The following TECPR2 variants were observed in gnomAD, a reference collection of about 807,000 sequenced individuals.
TECPR2 encodes tectonin beta-propeller repeat-containing protein 2.
In TECPR2, 65 loss-of-function variants were observed where a neutral mutation model predicts 138.1. That is an observed-to-expected ratio of 0.47 (90% CI 0.39 to 0.58). The LOEUF is 0.58. Among genes scored for constraint, TECPR2 ranks in the 20% least tolerant of loss-of-function variants. The pLI, the probability that TECPR2 is intolerant of heterozygous loss-of-function variation, is 0.00. For synonymous variants in TECPR2, 746 were observed against 749.8 expected, an observed-to-expected ratio of 0.99 and a Z score of 0.08; for missense variants, 1,553 against 1,824.5, an observed-to-expected ratio of 0.85 and a Z score of 2.71.
chr14:102,494,507 C>T (rs1891231088), intron 17 of TECPR2, among the ~76,000 whole-genome samples: 1 of 151,838 alleles, frequency 6.6e-6, no homozygotes, highest in Admixed American at 6.6e-5. Context: ...CACGCCACTG[C>T]ACTCCAGACA....
intron 17 of TECPR2, among the ~76,000 whole-genome samples, chr14:102,479,933 G>T (rs1219997371): frequency 6.6e-6 from 1 of 152,242 alleles, no homozygotes; most frequent in Admixed American, 6.5e-5. Context: ...CAGCATCCTG[G>T]AGCCCTGCCA....
At position 102,369,714 on chromosome 14, in the gene TECPR2, G is replaced by A. The variant is rs1193646078; in HGVS notation, c.-73+6598G>A. On this transcript the variant is annotated intron_variant, in intron 1 of 19. Coordinates refer to ENST00000359520, the MANE Select transcript of TECPR2 (RefSeq NM_014844.5). ...CCCAGCACTTTGGGAGGCCGAGGCG[G>A]GTGGATCACAAGATCAGGAGATTGA... Among the ~76,000 whole-genome samples the A allele has an allele frequency of 2.0e-5, 3 of 152,190 alleles. No homozygotes were observed. In the East Asian group the frequency reaches 5.8e-4, roughly 29 times the overall value.
chr14:102,439,532 C>A (rs1056511823), intron 10 of TECPR2, among the ~76,000 whole-genome samples: 1 of 152,196 alleles, frequency 6.6e-6, no homozygotes, highest in African/African-American at 2.4e-5. Context: ...TATCATTTAC[C>A]TTCAGGTTTG....
At chr14:102,371,872 T>C (rs1887516994) in intron 1 of TECPR2, among the ~76,000 whole-genome samples, 1 of 152,230 alleles carries the variant, frequency 6.6e-6, no homozygotes, top group South Asian at 2.1e-4. Flanking sequence ...AAAATACTCA[T>C]GATTTATTAA....
Position 102,414,766 on chromosome 14 carries a change from G to A in TECPR2, c.611G>A (p.Arg204Lys). Residue 204 changes from arginine to lysine, a missense_variant, in exon 5 of 20, where the codon AGG (arginine) becomes AAG (lysine). Coordinates refer to ENST00000359520, the MANE Select transcript of TECPR2 (RefSeq NM_014844.5). Reference protein sequence around the residue: ...LLFYTEEKSVRQIGTQPRKST... With the variant: ...LLFYTEEKSVKQIGTQPRKST... ...TTTTACACTGAAGAAAAGTCTGTAA[G>A]GCAAATTGGAACACAACCAAGGAAA... 6.2e-7 allele frequency: 1 copy of A among 1,614,174 alleles called. No individual in the cohort carries two copies. Among genetic ancestry groups the A allele is most frequent in the African/African-American group, 1.3e-5 (1 of 75,048 alleles).
chr14:102,402,580 A>G (rs1427479834), intron 2 of TECPR2, among the ~76,000 whole-genome samples: 2 of 152,078 alleles, frequency 1.3e-5, no homozygotes, highest in African/African-American at 4.8e-5. Flanking sequence ...CTAGAAAACA[A>G]TAGAGAAAAT....
intron 1 of TECPR2, among the ~76,000 whole-genome samples, chr14:102,368,819 C>T (rs1344885048): frequency 6.6e-6 from 1 of 152,016 alleles, no homozygotes. Context: ...GTGGCATGGC[C>T]ACAGAGTTGG....
At position 102,448,558 on chromosome 14, in the gene TECPR2, A is replaced by G. The variant is rs545368605; in HGVS notation, c.3076-1071A>G. 6.6e-5 allele frequency among the ~76,000 whole-genome samples: 10 copies of G among 152,098 alleles called. No individual in the cohort carries two copies. In the South Asian group the frequency reaches 1.9e-3, roughly 28 times the overall value. ...CCTGGAGTAATTATTAGTAGTCCCA[A>G]TTCAGATCATAAATTAGTTCATCAC... On this transcript the variant is annotated intron_variant, in intron 13 of 19. Transcript: ENST00000359520.
intron 17 of TECPR2, among the ~76,000 whole-genome samples, chr14:102,470,607 C>G (rs1567355550): frequency 6.6e-6 from 1 of 151,336 alleles, no homozygotes; most frequent in African/African-American, 2.4e-5. Context: ...TGCACCCAGC[C>G]TATTCAGAAT....
intron 1 of TECPR2, among the ~76,000 whole-genome samples, chr14:102,375,410 T>TCAGTAGGG (rs748181347): frequency 6.6e-6 from 1 of 151,162 alleles, no homozygotes; most frequent in Non-Finnish European, 1.5e-5. Flanking sequence ...GAGAGAGAAC[T>TCAGTAGGG]CAGTAGGGGG....
At chr14:102,367,690 A>G (rs1887380527) in intron 1 of TECPR2, among the ~76,000 whole-genome samples, 1 of 152,166 alleles carries the variant, frequency 6.6e-6, no homozygotes, top group South Asian at 2.1e-4. Flanking sequence ...CATTTTGGCT[A>G]TTATGAGTGG....
intron 2 of TECPR2, among the ~76,000 whole-genome samples, chr14:102,401,444 A>AC (rs1332756747): frequency 2.0e-5 from 3 of 151,234 alleles, no homozygotes; most frequent in Admixed American, 2.0e-4. Context: ...CATCTCAAAA[A>AC]AAAAAAAAAA....
intron 16 of TECPR2, among the ~76,000 whole-genome samples, chr14:102,455,756 C>T (rs759661590): frequency 6.6e-6 from 1 of 152,230 alleles, no homozygotes; most frequent in Non-Finnish European, 1.5e-5. Context: ...AGATTACAGG[C>T]ACCCACCACC....
chr14:102,393,357 C>T (rs1240549337), intron 2 of TECPR2, among the ~76,000 whole-genome samples: 2 of 152,144 alleles, frequency 1.3e-5, no homozygotes, highest in African/African-American at 2.4e-5. Context: ...TCTATATGAA[C>T]TGTAGTTAAG....
intron 12 of TECPR2, among the ~76,000 whole-genome samples, chr14:102,444,625 G>A (rs1889921042): frequency 6.6e-6 from 1 of 152,096 alleles, no homozygotes; most frequent in Admixed American, 6.6e-5. Context: ...AACTAGATTA[G>A]GATATTCTTG....
intron 2 of TECPR2, among the ~76,000 whole-genome samples, chr14:102,387,730 G>A (rs1451838610): frequency 6.6e-6 from 1 of 152,112 alleles, no homozygotes; most frequent in Non-Finnish European, 1.5e-5. Flanking sequence ...GTTTCACTGT[G>A]TTAGCCAGGA....
rs1345090533 is a variant in TECPR2, at chr14:102,445,839, G to A, written c.2967G>A (p.Thr989=). The A allele has an allele frequency of 6.8e-6, 11 of 1,613,718 alleles. 1 individual carries two copies. Among genetic ancestry groups the A allele is most frequent in the African/African-American group, 2.7e-5 (2 of 74,810 alleles). ...AAGCTTTAGAACCCGTCTGCATAAC[G>A]CTCGGGGATCAGCAGACTCTCTGGG... ...ERQALEPVCI[T]LGDQQTLWAL... Residue 989 remains threonine, a synonymous_variant, in exon 13 of 20, where the codon ACG becomes ACA. Transcript: ENST00000359520.
intron 6 of TECPR2, among the ~76,000 whole-genome samples, chr14:102,426,193 G>A (rs1191924594): frequency 6.6e-6 from 1 of 151,594 alleles, no homozygotes; most frequent in African/African-American, 2.4e-5. Flanking sequence ...GCCGCCACTT[G>A]GTTTTTTTTT....
intron 17 of TECPR2, among the ~76,000 whole-genome samples, chr14:102,482,419 C>T (rs1279072635): frequency 1.3e-5 from 2 of 152,200 alleles, no homozygotes; most frequent in Non-Finnish European, 2.9e-5. Flanking sequence ...CCAGTTGTCT[C>T]ACACATTAGG....
Sources: allele counts gnomAD v4.1 joint callset (sites outside exome capture counted in the v4.1 genomes callset), GRCh38; gene constraint gnomAD v4.1.1; transcripts MANE v1.5; gene names NCBI Gene and HGNC (gene_info 2026-07-23, HGNC 2026-07-21).